ADAMTS19: variants seen among roughly 807,000 people sequenced by gnomAD.
ADAMTS19 encodes the protein ADAM metallopeptidase with thrombospondin type 1 motif 19, also known as A disintegrin and metalloproteinase with thrombospondin motifs 19.
ADAMTS19 carries 93 observed loss-of-function variants against 153.3 expected under a neutral mutation model. The ratio of observed to expected loss-of-function variants is 0.61; its 90% CI spans 0.51 to 0.72. The LOEUF is 0.72. ADAMTS19 is among the 30% of genes least tolerant of loss of function. The probability of loss-of-function intolerance (pLI) is 0.00; values close to 1 mark genes in which losing one functional copy is unlikely to be tolerated. For missense variants in ADAMTS19, 1,482 were observed against 1,552.1 expected, an observed-to-expected ratio of 0.95 and a Z score of 0.76; for synonymous variants, 600 against 556.6, an observed-to-expected ratio of 1.08 and a Z score of -1.10.
chr5:129,463,534 G>A (rs1241295490), intron 2 of ADAMTS19, among the ~76,000 whole-genome samples: 1 of 152,120 alleles, frequency 6.6e-6, no homozygotes, highest in Non-Finnish European at 1.5e-5. Context: ...CTTTGTTATT[G>A]AGGAAAACTG....
intron 10 of ADAMTS19, among the ~76,000 whole-genome samples, chr5:129,637,234 A>G (rs574267597): frequency 3.7e-4 from 56 of 152,320 alleles, no homozygotes; most frequent in Middle Eastern, 3.4e-3. Context: ...TGAATGTTAA[A>G]TTGCATCACA....
intron 14 of ADAMTS19, 128 bp from the exon 15 acceptor site, chr5:129,658,489 A>T: frequency 1.1e-6 from 1 of 911,846 alleles, no homozygotes; most frequent in Non-Finnish European, 1.6e-6. Context: ...GACATTTTAT[A>T]ATATGACATT....
At chr5:129,568,328 T>C (rs1249533282) in intron 7 of ADAMTS19, among the ~76,000 whole-genome samples, 1 of 151,278 alleles carries the variant, frequency 6.6e-6, no homozygotes, top group Non-Finnish European at 1.5e-5. Flanking sequence ...TGATGTATAG[T>C]AGATTTAATA....
At chr5:129,706,653 C>A (rs1341369592) in intron 21 of ADAMTS19, among the ~76,000 whole-genome samples, 2 of 151,432 alleles carry the variant, frequency 1.3e-5, no homozygotes, top group Non-Finnish European at 1.5e-5. Flanking sequence ...TGCAAAAAAA[C>A]CCAAAAGATT....
At chr5:129,573,468 T>G (rs1753983105) in intron 7 of ADAMTS19, among the ~76,000 whole-genome samples, 2 of 152,082 alleles carry the variant, frequency 1.3e-5, no homozygotes, top group African/African-American at 4.8e-5. Context: ...CCCAGTTAGA[T>G]TCTCATCTCT....
intron 2 of ADAMTS19, among the ~76,000 whole-genome samples, chr5:129,466,441 A>G (rs1393231304): frequency 6.6e-6 from 1 of 152,154 alleles, no homozygotes; most frequent in Non-Finnish European, 1.5e-5. Flanking sequence ...GTATATATTC[A>G]TGGAAAAAAT....
At chr5:129,522,287 ATGTG>A (rs201543978) in intron 3 of ADAMTS19, among the ~76,000 whole-genome samples, 1 of 124,544 alleles carries the variant, frequency 8.0e-6, no homozygotes, top group Admixed American at 8.2e-5. Flanking sequence ...GCGTAGTTGT[ATGTG>A]TGTGTGTGTA....
At chr5:129,463,519 G>T (rs115379636) in intron 2 of ADAMTS19, among the ~76,000 whole-genome samples, 1 of 152,150 alleles carries the variant, frequency 6.6e-6, no homozygotes, top group East Asian at 1.9e-4. Flanking sequence ...TCTAAACTGG[G>T]AAGTCTTTGT....
At chr5:129,614,250 C>G (rs1751389452) in intron 8 of ADAMTS19, among the ~76,000 whole-genome samples, 2 of 152,102 alleles carry the variant, frequency 1.3e-5, no homozygotes, top group African/African-American at 4.8e-5. Flanking sequence ...AATTTTAGAC[C>G]AATATCCCTG....
chr5:129,562,286 A>G (rs2126845293), intron 7 of ADAMTS19, among the ~76,000 whole-genome samples: 1 of 152,322 alleles, frequency 6.6e-6, no homozygotes, highest in East Asian at 1.9e-4. Flanking sequence ...GTATATACTC[A>G]AGTGTTGAGA....
chr5:129,622,111 A>ATT, intron 9 of ADAMTS19, 87 bp from the exon 10 acceptor site: 1 of 1,321,748 alleles, frequency 7.6e-7, no homozygotes, highest in East Asian at 2.4e-5. Context: ...TTTTGATATT[A>ATT]TTAAAGTGTT....
chr5:129,689,208 T>A (rs1755223842), intron 18 of ADAMTS19, among the ~76,000 whole-genome samples: 1 of 152,140 alleles, frequency 6.6e-6, no homozygotes, highest in African/African-American at 2.4e-5. Context: ...ACATTCCACA[T>A]TCTTCACACC....
chr5:129,706,019 C>A (rs1196729558), intron 21 of ADAMTS19, among the ~76,000 whole-genome samples: 1 of 151,942 alleles, frequency 6.6e-6, no homozygotes, highest in Non-Finnish European at 1.5e-5. Flanking sequence ...TGGATAAGTT[C>A]TTTAGTGTAT....
At chr5:129,483,153 C>A (rs1298223163) in intron 2 of ADAMTS19, among the ~76,000 whole-genome samples, 2 of 152,050 alleles carry the variant, frequency 1.3e-5, no homozygotes, top group Non-Finnish European at 2.9e-5. Context: ...CTTTTTTAAA[C>A]AGCCATATAA....
intron 8 of ADAMTS19, among the ~76,000 whole-genome samples, chr5:129,609,277 T>C (rs1751081649): frequency 6.6e-6 from 1 of 152,208 alleles, no homozygotes; most frequent in African/African-American, 2.4e-5. Context: ...TAAATCAATC[T>C]GTCTGTATTC....
chr5:129,704,435 G>T lies in ADAMTS19; in HGVS notation c.3312+44G>T, dbSNP rs145711145. 1.5e-3 allele frequency: 2,456 copies of T among 1,592,174 alleles called. 7 individuals are homozygous for T. Among genetic ancestry groups the T allele is most frequent in the South Asian group, 6.7e-3 (587 of 87,574 alleles). On this transcript the variant is annotated intron_variant, in intron 21 of 22. Coordinates refer to ENST00000274487, the MANE Select transcript of ADAMTS19 (RefSeq NM_133638.6). ...ATTCTCAGTAATAGGTTTCAATAAT[G>T]TCAGCATTGCCCTGGGTACTATAAC... is the stretch of plus-strand genomic sequence containing the variant.
At chr5:129,565,712 TTA>T (rs1753681449) in intron 7 of ADAMTS19, among the ~76,000 whole-genome samples, 2 of 152,154 alleles carry the variant, frequency 1.3e-5, no homozygotes, top group Non-Finnish European at 2.9e-5. Context: ...AGCCAACATT[TTA>T]TCTTTTTCTA....
chr5:129,534,111 C>G (rs1328624096), intron 6 of ADAMTS19, among the ~76,000 whole-genome samples: 1 of 152,030 alleles, frequency 6.6e-6, no homozygotes, highest in African/African-American at 2.4e-5. Context: ...TCTATTAGGT[C>G]TGCTTGGTAT....
intron 21 of ADAMTS19, among the ~76,000 whole-genome samples, chr5:129,713,776 A>T (rs1756586953): frequency 6.6e-6 from 1 of 151,474 alleles, no homozygotes; most frequent in South Asian, 2.1e-4. Context: ...AAAAAAAAAA[A>T]TTAACAAAAT....
Sources: allele counts gnomAD v4.1 joint callset (sites outside exome capture counted in the v4.1 genomes callset), GRCh38; gene constraint gnomAD v4.1.1; transcripts MANE v1.5; gene names NCBI Gene and HGNC (gene_info 2026-07-23, HGNC 2026-07-21).